The following TMPRSS15 variants were observed in gnomAD, a reference collection of about 807,000 sequenced individuals.
TMPRSS15 encodes enteropeptidase.
TMPRSS15 carries 128 observed loss-of-function variants against 125.3 expected under a neutral mutation model. The ratio of observed to expected loss-of-function variants is 1.02; its 90% CI spans 0.89 to 1.18. The LOEUF (loss-of-function observed/expected upper bound fraction) is 1.18. TMPRSS15 is among the 50% of genes most tolerant of loss of function. TMPRSS15 has a pLI of 0.00. For synonymous variants in TMPRSS15, 446 were observed against 423.2 expected, an observed-to-expected ratio of 1.05 and a Z score of -0.66; for missense variants, 1,283 against 1,212.7, an observed-to-expected ratio of 1.06 and a Z score of -0.86.
At chr21:18,436,920 A>G (rs2076229196) in intron 1 of TMPRSS15, among the ~76,000 whole-genome samples, 1 of 93,996 alleles carries the variant, frequency 1.1e-5, no homozygotes, top group Admixed American at 1.3e-4. Context: ...TATAGATTCA[A>G]TGCCATCCCC....
At chr21:18,336,245 G>T (rs1415927145) in intron 13 of TMPRSS15, among the ~76,000 whole-genome samples, 2 of 152,114 alleles carry the variant, frequency 1.3e-5, no homozygotes, top group African/African-American at 2.4e-5. Flanking sequence ...AACAAGAAAT[G>T]AGAATATGGG....
At chr21:18,332,047 C>A in intron 14 of TMPRSS15, 37 bp downstream of exon 14, 3 of 1,564,026 alleles carry the variant, frequency 1.9e-6, no homozygotes, top group Middle Eastern at 1.7e-4. Flanking sequence ...TTCATATGGA[C>A]ATTTGTTTCT....
chr21:18,333,184 C>T (rs903609050), intron 13 of TMPRSS15, among the ~76,000 whole-genome samples: 3 of 152,098 alleles, frequency 2.0e-5, no homozygotes, highest in African/African-American at 7.2e-5. Flanking sequence ...ATCTGTACAA[C>T]CAACCTCCAT....
At chr21:18,482,817 C>T (rs2123293014) in intron 1 of TMPRSS15, among the ~76,000 whole-genome samples, 1 of 151,704 alleles carries the variant, frequency 6.6e-6, no homozygotes, top group East Asian at 1.9e-4. Context: ...TTCTTTCTAA[C>T]TTATTTTATC....
chr21:18,318,352 A>G (rs1226501331), intron 16 of TMPRSS15, among the ~76,000 whole-genome samples: 1 of 152,232 alleles, frequency 6.6e-6, no homozygotes, highest in African/African-American at 2.4e-5. Flanking sequence ...TCTGTTTCAC[A>G]ACAGAGCTGG....
chr21:18,437,171 C>T (rs1358469156), intron 1 of TMPRSS15, among the ~76,000 whole-genome samples: 1 of 150,060 alleles, frequency 6.7e-6, no homozygotes, highest in African/African-American at 2.4e-5. Context: ...GATAACGCCG[C>T]ATATCTACAA....
At chr21:18,299,801 C>T (rs2074946014) in intron 18 of TMPRSS15, among the ~76,000 whole-genome samples, 1 of 152,176 alleles carries the variant, frequency 6.6e-6, no homozygotes, top group South Asian at 2.1e-4. Flanking sequence ...AAGGCAAATT[C>T]TCCACCCTCA....
chr21:18,458,269 G>A (rs751782686), intron 1 of TMPRSS15, among the ~76,000 whole-genome samples: 1 of 152,110 alleles, frequency 6.6e-6, no homozygotes, highest in Non-Finnish European at 1.5e-5. Context: ...GCATTCTTTG[G>A]TAAGTCACAA....
intron 1 of TMPRSS15, among the ~76,000 whole-genome samples, chr21:18,436,945 G>A (rs1390339526): frequency 2.5e-5 from 3 of 121,420 alleles, no homozygotes; most frequent in African/African-American, 6.3e-5. Context: ...AGCTACCAAC[G>A]ACTTTCTTCA....
chr21:18,445,906 G>A (rs1268810137), intron 1 of TMPRSS15, among the ~76,000 whole-genome samples: 2 of 152,112 alleles, frequency 1.3e-5, no homozygotes, highest in Admixed American at 6.5e-5. Flanking sequence ...ACAAGACAAG[G>A]ATGCCCACTT....
intron 4 of TMPRSS15, chr21:18,380,617 G>A (rs1009556413): frequency 1.7e-5 from 8 of 470,270 alleles, no homozygotes; most frequent in African/African-American, 1.6e-4. Flanking sequence ...TAACACATGA[G>A]TTTATGATAT....
rs568503406 is a variant in TMPRSS15 at position 18,279,502 on chromosome 21, A to AT, written c.2669-444dup. ...CACCACGCCTGGCTAATTTTTTTGT[A>AT]TTTTTTTTTTTTTAGTAGAGATGGC... On this transcript the variant is annotated intron_variant, in intron 22 of 24. Transcript: ENST00000284885. Among the ~76,000 whole-genome samples, 660 of 131,534 alleles carry AT rather than the reference A, an allele frequency of 5.0e-3. 5 individuals are homozygous for AT. Among genetic ancestry groups the AT allele is most frequent in the African/African-American group, 0.011 (397 of 36,206 alleles). 86.3% of individuals were successfully genotyped at this position (131,534 alleles called of 152,430 possible). A position where few individuals can be genotyped will look rare whatever the true frequency, so the allele number is the denominator to read the frequency against.
At chr21:18,481,015 C>T (rs892396804) in intron 1 of TMPRSS15, among the ~76,000 whole-genome samples, 2 of 151,812 alleles carry the variant, frequency 1.3e-5, no homozygotes, top group African/African-American at 2.4e-5. Context: ...GTCTGAAATA[C>T]TGTGGTCTTG....
intron 21 of TMPRSS15, among the ~76,000 whole-genome samples, chr21:18,289,538 T>A (rs919991876): frequency 6.6e-6 from 1 of 152,150 alleles, no homozygotes; most frequent in African/African-American, 2.4e-5. Flanking sequence ...GAAGTATAAA[T>A]AGTAGTCTGT....
intron 6 of TMPRSS15, among the ~76,000 whole-genome samples, chr21:18,369,784 G>A (rs1391520860): frequency 6.6e-6 from 1 of 152,070 alleles, no homozygotes; most frequent in Non-Finnish European, 1.5e-5. Flanking sequence ...GGAAGTTTGA[G>A]CTGGTGCTGA....
intron 1 of TMPRSS15, among the ~76,000 whole-genome samples, chr21:18,453,970 T>G (rs1219844990): frequency 1.3e-5 from 2 of 152,202 alleles, no homozygotes; most frequent in African/African-American, 4.8e-5. Flanking sequence ...GCAAAGCATA[T>G]GATATTTGCC....
Position 18,326,507 on chromosome 21 carries a change from G to A in TMPRSS15, c.1846C>T (p.Leu616Phe), listed in dbSNP as rs764172781. The A allele has an allele frequency of 6.2e-7, 1 of 1,614,020 alleles. No homozygotes were observed. The change falls in exon 16 of 25, where the codon CTC (leucine) becomes TTC (phenylalanine). Residue 616 changes from leucine (L) to phenylalanine (F), a missense_variant. Leu to Phe is a conservative substitution (Grantham distance 22). Transcript: ENST00000284885. ...CTTGCCAACACATCGTTAGTGATGAGAAGCACAGTCATTCTGTTGGTGGTA... is the reference window on the plus strand; with the variant it reads ...CTTGCCAACACATCGTTAGTGATGAAAAGCACAGTCATTCTGTTGGTGGTA... ...FSTTNRMTVL[L>F]ITNDVLARGG...
At position 18,360,432 on chromosome 21, in the gene TMPRSS15, T is replaced by C. The variant is rs1214065906; in HGVS notation, c.774-569A>G. 3.3e-5 allele frequency among the ~76,000 whole-genome samples: 5 copies of C among 152,130 alleles called. No homozygotes were observed. In the South Asian group the frequency reaches 6.2e-4, roughly 19 times the overall value. On this transcript the variant is annotated intron_variant, in intron 7 of 24. Coordinates refer to ENST00000284885, the MANE Select transcript of TMPRSS15 (RefSeq NM_002772.3). ...ATTTCATTCAGATAAATATTCAGAA[T>C]TGGGAATGCTGGATCAGGTGGGAAT...
At chr21:18,458,938 T>G (rs929418060) in intron 1 of TMPRSS15, among the ~76,000 whole-genome samples, 2 of 152,194 alleles carry the variant, frequency 1.3e-5, no homozygotes, top group African/African-American at 4.8e-5. Context: ...CTTTTTTATT[T>G]TGTTGTTATT....
Sources: allele counts gnomAD v4.1 joint callset (sites outside exome capture counted in the v4.1 genomes callset), GRCh38; gene constraint gnomAD v4.1.1; transcripts MANE v1.5; gene names NCBI Gene and HGNC (gene_info 2026-07-23, HGNC 2026-07-21).